The following ONECUT1 variants were observed in gnomAD, a reference collection of about 807,000 sequenced individuals.
ONECUT1 encodes hepatocyte nuclear factor 6.
ONECUT1 carries 12 observed loss-of-function variants against 25.6 expected under a neutral mutation model. That is an observed-to-expected ratio of 0.47 (90% CI 0.30 to 0.76). The LOEUF (loss-of-function observed/expected upper bound fraction) is 0.76. ONECUT1 is among the 30% of genes least tolerant of loss of function. ONECUT1 has a pLI of 0.07. For synonymous variants in ONECUT1, 285 were observed against 270.2 expected, an observed-to-expected ratio of 1.05 and a Z score of -0.54; for missense variants, 620 against 651.2, an observed-to-expected ratio of 0.95 and a Z score of 0.52.
At position 52,784,213 on chromosome 15, in the gene ONECUT1, G is replaced by T. The variant is rs2083859581; in HGVS notation, c.1105+4567C>A. 6.6e-6 allele frequency among the ~76,000 whole-genome samples: 1 copy of T among 152,186 alleles called. No individual in the cohort carries two copies. Among genetic ancestry groups the T allele is most frequent in the Non-Finnish European group, 1.5e-5 (1 of 68,032 alleles). ...AGGAGAGGCGCATCCTGGGATTTGG[G>T]TCCTCTGCTGCTACAACACAACCGT... On this transcript the variant is annotated intron_variant, in intron 1 of 1. Coordinates refer to ENST00000305901, the MANE Select transcript of ONECUT1 (RefSeq NM_004498.4). This position sits in a 1 kb window ranked among gnomAD's most constrained non-coding sequence, Gnocchi z 5.0.
In ONECUT1 at chr15:52,789,107, C is replaced by T. The variant is rs758761934; in HGVS notation, c.778G>A (p.Gly260Ser). Residue 260 changes from glycine to serine, a missense_variant, in exon 1 of 2, where the codon GGC (glycine) becomes AGC (serine). By Grantham distance (56) the Gly-to-Ser change is moderately conservative. Around this residue, in one of 4 missense-constraint regions of ONECUT1, gnomAD observed 440 missense variants for 404.9 expected, o/e 1.09. Transcript: ENST00000305901. This position sits in a 1 kb window ranked among gnomAD's most constrained non-coding sequence, Gnocchi z 4.1. ...HHPHAHLNAQ[G>S]HGQLLGTARE... ...GCTGTGCCCAGGAGTTGCCCGTGGCCCTGGGCGTTCAGGTGGGCGTGGGGA... is the reference window on the plus strand; with the variant it reads ...GCTGTGCCCAGGAGTTGCCCGTGGCTCTGGGCGTTCAGGTGGGCGTGGGGA... 17 of 1,601,166 alleles carry T rather than the reference C, an allele frequency of 1.1e-5. No homozygotes were observed. The highest frequency in any genetic ancestry group is 1.4e-5 in the Non-Finnish European group (16 of 1,179,852).
intron 1 of ONECUT1, among the ~76,000 whole-genome samples, chr15:52,772,651 G>A (rs901316778): frequency 6.6e-6 from 1 of 152,200 alleles, no homozygotes; most frequent in African/African-American, 2.4e-5. Flanking sequence ...GCAAGTAAGT[G>A]TATCTCATGC....
In ONECUT1 at chr15:52,790,035, C is replaced by G. The variant is rs1596060732; in HGVS notation, c.-151G>C. On this transcript the variant is annotated 5_prime_UTR_variant, in exon 1 of 2. Transcript: ENST00000305901. ...GGGCTCTGTCTCTCTCTCTCTCTCTCTCCGTGTGTGTGTGTCCGTGTGTGC... is the reference window on the plus strand; with the variant it reads ...GGGCTCTGTCTCTCTCTCTCTCTCTGTCCGTGTGTGTGTGTCCGTGTGTGC... 8.2e-7 allele frequency: 1 copy of G among 1,225,848 alleles called. No individual in the cohort carries two copies. Among genetic ancestry groups the G allele is most frequent in the Non-Finnish European group, 1.1e-6 (1 of 950,964 alleles). The allele number at this position is 1,225,848 out of a possible 1,614,324, so 75.9% of individuals were successfully genotyped here.
At position 52,790,282 on chromosome 15, in the gene ONECUT1, C is replaced by T. The variant is rs2083912523; in HGVS notation, c.-398G>A. Reference sequence around the variant, plus strand: ...CCTGCCGCGGCCCGCGCGCCTGCCGCGTCTGCTGCCTGCCCGCCCCGCTGG... The same window carrying T: ...CCTGCCGCGGCCCGCGCGCCTGCCGTGTCTGCTGCCTGCCCGCCCCGCTGG... On this transcript the variant is annotated 5_prime_UTR_variant, in exon 1 of 2. Coordinates refer to ENST00000305901, the MANE Select transcript of ONECUT1 (RefSeq NM_004498.4). Among the ~76,000 whole-genome samples the T allele has an allele frequency of 6.6e-6, 1 of 151,438 alleles. No individual in the cohort carries two copies. The highest frequency in any genetic ancestry group is 6.6e-5 in the Admixed American group (1 of 15,230).
chr15:52,778,100 C>T (rs1268863960), intron 1 of ONECUT1, among the ~76,000 whole-genome samples: 1 of 152,098 alleles, frequency 6.6e-6, no homozygotes, highest in Non-Finnish European at 1.5e-5. Flanking sequence ...AAATAATAAT[C>T]ACTGCCTACC....
At chr15:52,774,337 G>A (rs146872077) in intron 1 of ONECUT1, among the ~76,000 whole-genome samples, 2,146 of 144,554 alleles carry the variant, frequency 0.015, 80 homozygotes, top group East Asian at 0.14. Context: ...TTTCGCTCTT[G>A]TTGCCCAAGC....
chr15:52,763,590 C>A (rs539930988), intron 1 of ONECUT1, among the ~76,000 whole-genome samples: 163 of 152,256 alleles, frequency 1.1e-3, no homozygotes, highest in Non-Finnish European at 1.4e-3. Flanking sequence ...AATGATTAAC[C>A]AAATTTCTTT....
At chr15:52,776,013 C>T (rs2083797663) in intron 1 of ONECUT1, among the ~76,000 whole-genome samples, 1 of 152,208 alleles carries the variant, frequency 6.6e-6, no homozygotes, top group African/African-American at 2.4e-5. Flanking sequence ...TTCAGGGCTC[C>T]TTGTACCCAG....
At chr15:52,775,491 A>ACACACACACACACT (rs1017239229) in intron 1 of ONECUT1, among the ~76,000 whole-genome samples, 7 of 149,812 alleles carry the variant, frequency 4.7e-5, no homozygotes, top group African/African-American at 1.7e-4. Context: ...ACACACACAC[A>ACACACACACACACT]CTCTTAAAGA....
At chr15:52,769,762 G>A (rs2141452289) in intron 1 of ONECUT1, among the ~76,000 whole-genome samples, 1 of 152,274 alleles carries the variant, frequency 6.6e-6, no homozygotes, top group East Asian at 1.9e-4. Flanking sequence ...AGGTGCCCAG[G>A]AGGGGCCACT....
chr15:52,784,813 C>A lies in ONECUT1; in HGVS notation c.1105+3967G>T, dbSNP rs1449562527. 2.0e-5 allele frequency among the ~76,000 whole-genome samples: 3 copies of A among 152,212 alleles called. No individual in the cohort carries two copies. The highest frequency in any genetic ancestry group is 4.4e-5 in the Non-Finnish European group (3 of 68,024). On this transcript the variant is annotated intron_variant, in intron 1 of 1. Coordinates refer to ENST00000305901, the MANE Select transcript of ONECUT1 (RefSeq NM_004498.4). This position sits in a 1 kb window ranked among gnomAD's most constrained non-coding sequence, Gnocchi z 5.0. ...GATGCACTGCCACTTTTCGGCCTGGCGGGCTCTGGGACTCCTTGGTCTCCG... is the reference window on the plus strand; with the variant it reads ...GATGCACTGCCACTTTTCGGCCTGGAGGGCTCTGGGACTCCTTGGTCTCCG...
In ONECUT1 at chr15:52,756,943, G is replaced by A. The variant is rs1417017369; in HGVS notation, c.*612C>T. ...ATCTGAACATTCCTTAACAAACAAA[G>A]AGAATGCACTGGTTTAGGTGTCATT... On this transcript the variant is annotated 3_prime_UTR_variant, in exon 2 of 2. Coordinates refer to ENST00000305901, the MANE Select transcript of ONECUT1 (RefSeq NM_004498.4). The A allele has an allele frequency of 6.6e-6, 1 of 152,098 alleles. No homozygotes were observed. Among genetic ancestry groups the A allele is most frequent in the Non-Finnish European group, 1.5e-5 (1 of 68,044 alleles). 9.4% of individuals were successfully genotyped at this position (152,098 alleles called of 1,614,324 possible).
intron 1 of ONECUT1, among the ~76,000 whole-genome samples, chr15:52,774,288 G>GTTATTATTTAT (rs1555415876): frequency 3.3e-5 from 5 of 150,122 alleles, no homozygotes; most frequent in African/African-American, 1.2e-4. Context: ...AAGAAATGAA[G>GTTATTATTTAT]TTATTTATTT....
At position 52,789,677 on chromosome 15, in the gene ONECUT1, G is replaced by A. The variant is rs750619027; in HGVS notation, c.208C>T (p.His70Tyr). 1 of 1,512,446 alleles carries A rather than the reference G, an allele frequency of 6.6e-7. No homozygotes were observed. Among genetic ancestry groups the A allele is most frequent in the Non-Finnish European group, 8.8e-7 (1 of 1,135,378 alleles). The allele number at this position is 1,512,446 out of a possible 1,614,324, so 93.7% of individuals were successfully genotyped here. ...DGGSGGGDYH[H>Y]HHRAPEHSLA... ...CTGTGCTCAGGGGCCCGGTGGTGGTGGTGGTAATCTCCGCCGCCGCTGCCG... is the reference window on the plus strand; with the variant it reads ...CTGTGCTCAGGGGCCCGGTGGTGGTAGTGGTAATCTCCGCCGCCGCTGCCG... The change falls in exon 1 of 2, where the codon CAC becomes TAC. Residue 70 changes from histidine to tyrosine, a missense_variant. Physicochemically the swap from His to Tyr is moderately conservative, Grantham distance 83 (BLOSUM62 2). This residue lies in a region of ONECUT1 where 440 missense variants were observed against 404.9 expected (regional missense o/e 1.09). Transcript: ENST00000305901. The surrounding 1 kb of genome is among the most constrained non-coding windows in gnomAD (Gnocchi z 4.1).
intron 1 of ONECUT1, among the ~76,000 whole-genome samples, chr15:52,782,303 T>C (rs1032223250): frequency 6.6e-6 from 1 of 152,246 alleles, no homozygotes; most frequent in Non-Finnish European, 1.5e-5. Context: ...TATGTTTGTA[T>C]CAAAATAATC....
At chr15:52,781,858 T>G (rs2083843343) in intron 1 of ONECUT1, among the ~76,000 whole-genome samples, 2 of 152,156 alleles carry the variant, frequency 1.3e-5, no homozygotes, top group South Asian at 4.1e-4. Context: ...AAATGTTGAG[T>G]CTTCAATGAG....
At chr15:52,767,463 G>A (rs80235464) in intron 1 of ONECUT1, among the ~76,000 whole-genome samples, 2,739 of 152,222 alleles carry the variant, frequency 0.018, 38 homozygotes, top group Non-Finnish European at 0.027. Flanking sequence ...TACTGGCATC[G>A]TCCTCTCGCT....
In ONECUT1 at chr15:52,780,457, T is replaced by G. The variant is rs1596055180; in HGVS notation, c.1105+8323A>C. 1.5e-5 allele frequency: 12 copies of G among 786,526 alleles called. No individual in the cohort carries two copies. The East Asian group carries it at 3.5e-4, about 23-fold the overall frequency. 48.7% of individuals were successfully genotyped at this position (786,526 alleles called of 1,614,324 possible). A position where few individuals can be genotyped will look rare whatever the true frequency, so the allele number is the denominator to read the frequency against. On this transcript the variant is annotated intron_variant, in intron 1 of 1. Coordinates refer to ENST00000305901, the MANE Select transcript of ONECUT1 (RefSeq NM_004498.4). ...CATTTGAAGTAAATGTTAACTTTCT[T>G]TCTGAGTCCTTAGTTAACCGCATTA...
intron 1 of ONECUT1, among the ~76,000 whole-genome samples, chr15:52,779,504 T>C (rs1422318404): frequency 6.6e-6 from 1 of 152,174 alleles, no homozygotes; most frequent in Non-Finnish European, 1.5e-5. Context: ...AAACCAAAAT[T>C]ATAGTTTCAA....
Sources: allele counts gnomAD v4.1 joint callset (sites outside exome capture counted in the v4.1 genomes callset), GRCh38; gene constraint gnomAD v4.1.1; regional missense constraint gnomAD v4.1.1; non-coding constraint Gnocchi (gnomAD v3.1); transcripts MANE v1.5; gene names NCBI Gene and HGNC (gene_info 2026-07-23, HGNC 2026-07-21).